Variants in CFAP45 observed in about 807,000 individuals in gnomAD.
CFAP45 encodes the protein cilia- and flagella-associated protein 45.
In CFAP45, 43 loss-of-function variants were observed where a neutral mutation model predicts 75.6. The ratio of observed to expected loss-of-function variants is 0.57; its 90% CI spans 0.45 to 0.73. The LOEUF (loss-of-function observed/expected upper bound fraction) is 0.73, where lower values mean the gene tolerates loss of function less well. CFAP45 is among the 30% of genes least tolerant of loss of function. The pLI, the probability that CFAP45 is intolerant of heterozygous loss-of-function variation, is 0.00. For synonymous variants in CFAP45, 223 were observed against 244.6 expected (o/e 0.91, Z 0.82); for missense variants, 689 against 701.5 (o/e 0.98, Z 0.20).
intron 7 of CFAP45, 54 bp from the exon 8 acceptor site, chr1:159,880,754 A>G (rs1163147579): frequency 6.4e-6 from 10 of 1,574,572 alleles, no homozygotes; most frequent in Middle Eastern, 3.4e-4. Flanking sequence ...ACAAGAAGCC[A>G]CTGGCATCCA....
intron 11 of CFAP45, 143 bp downstream of exon 11, chr1:159,872,801 T>C (rs1228863038): frequency 2.3e-6 from 2 of 864,912 alleles, no homozygotes; most frequent in Non-Finnish European, 3.6e-6. Context: ...TTCAGAGGGA[T>C]GAGCCCTGGG....
At chr1:159,898,986 G>A (rs1650010726) in intron 1 of CFAP45, among the ~76,000 whole-genome samples, 1 of 152,194 alleles carries the variant, frequency 6.6e-6, no homozygotes, top group African/African-American at 2.4e-5. Context: ...TGGGCCTGAA[G>A]TCTGTCCACA....
chr1:159,882,306 C>T (rs921644432), intron 7 of CFAP45, among the ~76,000 whole-genome samples: 2 of 152,132 alleles, frequency 1.3e-5, no homozygotes, highest in Admixed American at 6.5e-5. Flanking sequence ...CTATTTGTAT[C>T]CCAGACATCA....
intron 10 of CFAP45, among the ~76,000 whole-genome samples, chr1:159,875,325 T>C (rs1299383811): frequency 6.6e-6 from 1 of 152,134 alleles, no homozygotes; most frequent in Non-Finnish European, 1.5e-5. Context: ...AAGGGCAGAA[T>C]CTTGGGGGGC....
At position 159,873,010 on chromosome 1, in the gene CFAP45, T is replaced by G. The variant is rs765053429; in HGVS notation, c.1511A>C (p.Lys504Thr). 1 of 1,614,230 alleles carries G rather than the reference T, an allele frequency of 6.2e-7. No homozygotes were observed. The highest frequency in any genetic ancestry group is 8.5e-7 in the Non-Finnish European group (1 of 1,180,038). ...CTCACGGCGTTTCTGGGCCTCCTCT[T>G]TGAGGCGCCGGCCCTCCTCAAAGGT... The part of the protein sequence containing the change: ...IATFEEGRRL[K>T]EEAQKRRERI... Residue 504 changes from lysine to threonine, a missense_variant, in exon 11 of 12, where the codon AAA (lysine) becomes ACA (threonine). Coordinates refer to ENST00000368099, the MANE Select transcript of CFAP45 (RefSeq NM_012337.3).
intron 7 of CFAP45, 79 bp from the exon 8 acceptor site, chr1:159,880,779 C>A: frequency 7.1e-6 from 10 of 1,403,938 alleles, no homozygotes; most frequent in South Asian, 3.8e-5. Context: ...TAGAGAGATG[C>A]AGACAGAGGA....
chr1:159,883,261 A>G (rs1649592103), intron 7 of CFAP45, among the ~76,000 whole-genome samples: 1 of 151,330 alleles, frequency 6.6e-6, no homozygotes, highest in Non-Finnish European at 1.5e-5. Flanking sequence ...GCTTCAAAAT[A>G]TCAGTGTTAT....
chr1:159,888,192 C>T (rs1213554260), intron 4 of CFAP45, among the ~76,000 whole-genome samples, 160 bp downstream of exon 4: 2 of 152,200 alleles, frequency 1.3e-5, no homozygotes, highest in East Asian at 1.9e-4. Context: ...GCTGCTCCCA[C>T]CTCTCATCTC....
chr1:159,880,534 C>G lies in CFAP45; in HGVS notation c.1044+20G>C. 6.2e-7 allele frequency: 1 copy of G among 1,607,824 alleles called. No homozygotes were observed. The highest frequency in any genetic ancestry group is 8.5e-7 in the Non-Finnish European group (1 of 1,176,598). The stretch of plus-strand genomic sequence containing the variant: ...AGACATTCCATTCCTAACCAAAGGT[C>G]CCAGAAACCAAGTCCCTACCATCTT... On this transcript the variant is annotated intron_variant, in intron 8 of 11. Coordinates refer to ENST00000368099, the MANE Select transcript of CFAP45 (RefSeq NM_012337.3).
intron 7 of CFAP45, among the ~76,000 whole-genome samples, chr1:159,882,612 G>C (rs1649574157): frequency 1.3e-5 from 2 of 152,142 alleles, no homozygotes; most frequent in African/African-American, 4.8e-5. Context: ...GGAAGGCACA[G>C]GTTTCCTTGC....
chr1:159,876,630 T>A lies in CFAP45; in HGVS notation c.1278A>T (p.Glu426Asp). 1.9e-6 allele frequency: 3 copies of A among 1,614,214 alleles called. No individual in the cohort carries two copies. Among genetic ancestry groups the A allele is most frequent in the Non-Finnish European group, 2.5e-6 (3 of 1,180,036 alleles). ...GAGCGTGCTCCTTGAAAGCCACCTG[T>A]TCGAGCCGACTTTTTCGCAGCTCAG... ...TEAELRKSRL[E>D]QVAFKEHALA... The change falls in exon 10 of 12, where the codon GAA (glutamate) becomes GAT (aspartate). Residue 426 changes from glutamate (E) to aspartate (D), a missense_variant. Glu to Asp is a conservative substitution (Grantham distance 45, BLOSUM62 2). Transcript: ENST00000368099.
At position 159,873,151 on chromosome 1, in the gene CFAP45, A is replaced by T; in HGVS notation, c.1370T>A (p.Ile457Asn). 6.2e-7 allele frequency: 1 copy of T among 1,613,578 alleles called. No homozygotes were observed. Among genetic ancestry groups the T allele is most frequent in the South Asian group, 1.1e-5 (1 of 91,066 alleles). The change falls in exon 11 of 12, where the codon ATT (isoleucine) becomes AAT (asparagine). Residue 457 changes from isoleucine to asparagine, a missense_variant. By Grantham distance (149) the Ile-to-Asn change is moderately radical. Coordinates refer to ENST00000368099, the MANE Select transcript of CFAP45 (RefSeq NM_012337.3). ...ERILRAQREQ[I>N]EKERLEEEKK... ...CTCCTCCTCCAGCCGCTCCTTCTCAATCTGTTCTCTCTGAGCCCTGGGGGA... is the reference window on the plus strand; with the variant it reads ...CTCCTCCTCCAGCCGCTCCTTCTCATTCTGTTCTCTCTGAGCCCTGGGGGA...
chr1:159,874,849 T>G (rs1422991282), intron 10 of CFAP45, among the ~76,000 whole-genome samples: 2 of 152,162 alleles, frequency 1.3e-5, no homozygotes, highest in East Asian at 3.9e-4. Context: ...CTCCAAGACA[T>G]TTCTAAAAAC....
chr1:159,879,308 C>G (rs1649491442), intron 8 of CFAP45, among the ~76,000 whole-genome samples: 1 of 152,182 alleles, frequency 6.6e-6, no homozygotes, highest in African/African-American at 2.4e-5. Flanking sequence ...AACTCCTACA[C>G]AGAATTAGCT....
chr1:159,884,543 G>C lies in CFAP45; in HGVS notation c.790C>G (p.Gln264Glu). The C allele has an allele frequency of 6.2e-7, 1 of 1,613,592 alleles. No homozygotes were observed. Among genetic ancestry groups the C allele is most frequent in the Non-Finnish European group, 8.5e-7 (1 of 1,179,836 alleles). ...CGCTCCTCCTGGTTCTTTTCCATCT[G>C]TTCCACAATTTGCCGCCTTCCTCTT... ...RIRGRRQIVE[Q>E]MEKNQEERSL... Residue 264 changes from glutamine (Q) to glutamate (E), a missense_variant, in exon 7 of 12, where the codon CAG becomes GAG. Gln to Glu is a conservative substitution (Grantham distance 29, BLOSUM62 2). Transcript: ENST00000368099.
intron 6 of CFAP45, 24 bp from the exon 7 acceptor site, chr1:159,884,589 G>C (rs757380651): frequency 5.0e-6 from 8 of 1,608,216 alleles, no homozygotes; most frequent in South Asian, 4.4e-5. Context: ...GTGCCACAGT[G>C]TCTTAGAAAC....
intron 7 of CFAP45, among the ~76,000 whole-genome samples, chr1:159,883,653 T>TATAC (rs1491202103): frequency 4.3e-4 from 57 of 133,590 alleles, no homozygotes; most frequent in Admixed American, 3.0e-3. Flanking sequence ...TATATATATA[T>TATAC]ACACACACAC....
At position 159,888,260 on chromosome 1, in the gene CFAP45, G is replaced by T. The variant is rs1649741545; in HGVS notation, c.417+92C>A. On this transcript the variant is annotated intron_variant, in intron 4 of 11. Transcript: ENST00000368099. Reference sequence around the variant, plus strand: ...TTTCTTCATTAAGTACATAATTTGTGCCTCATTTCAGGGTCCCCTGATGAG... The same window carrying T: ...TTTCTTCATTAAGTACATAATTTGTTCCTCATTTCAGGGTCCCCTGATGAG... 155 of 1,301,530 alleles carry T rather than the reference G, an allele frequency of 1.2e-4. 2 individuals carry two copies. In the South Asian group the frequency reaches 2.0e-3, roughly 17 times the overall value. 80.6% of individuals were successfully genotyped at this position (1,301,530 alleles called of 1,614,324 possible).
intron 2 of CFAP45, 59 bp from the exon 3 acceptor site, chr1:159,890,681 C>A (rs1649806677): frequency 6.4e-7 from 1 of 1,558,410 alleles, no homozygotes; most frequent in African/African-American, 1.4e-5. Flanking sequence ...GCTGGTCAGT[C>A]CTAACTTCAA....
Sources: gnomAD v4.1 joint callset for allele counts (sites outside exome capture counted in the v4.1 genomes callset) on GRCh38, gnomAD v4.1.1 for gene constraint, MANE v1.5 for transcripts, NCBI Gene and HGNC (gene_info 2026-07-23, HGNC 2026-07-21) for gene names.